PRKN: variants seen among roughly 807,000 people sequenced by gnomAD.
The protein encoded by PRKN is E3 ubiquitin-protein ligase parkin.
In PRKN, 56 loss-of-function variants were observed where a neutral mutation model predicts 59.5. The ratio of observed to expected loss-of-function variants is 0.94; its 90% CI spans 0.76 to 1.18. The LOEUF (loss-of-function observed/expected upper bound fraction) is 1.18, where lower values mean the gene tolerates loss of function less well. Among genes scored for constraint, PRKN ranks in the 50% most tolerant of loss-of-function variants. PRKN has a pLI of 0.00. For missense variants in PRKN, 657 were observed against 596.4 expected, an observed-to-expected ratio of 1.10 and a Z score of -1.06; for synonymous variants, 250 against 222.1, an observed-to-expected ratio of 1.13 and a Z score of -1.12.
intron 7 of PRKN, among the ~76,000 whole-genome samples, chr6:161,742,766 C>T (rs1788242098): frequency 6.6e-6 from 1 of 152,204 alleles, no homozygotes; most frequent in South Asian, 2.1e-4. Flanking sequence ...TGGATTCTCA[C>T]AGCCGCGCAG....
chr6:162,721,139 G>A (rs961959111), intron 1 of PRKN, among the ~76,000 whole-genome samples: 25 of 152,194 alleles, frequency 1.6e-4, no homozygotes, highest in African/African-American at 5.8e-4. Flanking sequence ...GCCATTCTCA[G>A]TCGAAGACTG....
chr6:161,360,398 C>T lies in PRKN; in HGVS notation c.1168-193G>A, dbSNP rs1283162830. Among the ~76,000 whole-genome samples, 5 of 152,166 alleles carry T rather than the reference C, an allele frequency of 3.3e-5. No individual in the cohort carries two copies. Among genetic ancestry groups the T allele is most frequent in the South Asian group, 4.1e-4 (2 of 4,830 alleles). ...TGGGGACACTCTCCCTGGCATGTGGCGTATGCGTAGGAGCGGGGAAGAGAT... is the reference window on the plus strand; with the variant it reads ...TGGGGACACTCTCCCTGGCATGTGGTGTATGCGTAGGAGCGGGGAAGAGAT... On this transcript the variant is annotated intron_variant, in intron 10 of 11. Transcript: ENST00000366898. The surrounding 1 kb of genome is among the most constrained non-coding windows in gnomAD (Gnocchi z 5.1).
intron 2 of PRKN, among the ~76,000 whole-genome samples, chr6:162,344,313 G>C (rs1784308300): frequency 6.9e-6 from 1 of 145,098 alleles, no homozygotes; most frequent in South Asian, 2.2e-4. Flanking sequence ...TGCAATCAGA[G>C]ATTCCCTGTT....
chr6:162,295,846 T>C (rs976839581), intron 2 of PRKN, among the ~76,000 whole-genome samples: 7 of 152,148 alleles, frequency 4.6e-5, no homozygotes, highest in Non-Finnish European at 8.8e-5. Context: ...ATTCAGGAGA[T>C]GCCCCTTGAC....
At chr6:161,452,826 G>A (rs1789796023) in intron 9 of PRKN, among the ~76,000 whole-genome samples, 1 of 151,944 alleles carries the variant, frequency 6.6e-6, no homozygotes, top group African/African-American at 2.4e-5. Flanking sequence ...CAGGCGAGGG[G>A]CAGGGAGCCC....
chr6:162,031,838 C>CT (rs748764296), intron 5 of PRKN, among the ~76,000 whole-genome samples: 8 of 152,116 alleles, frequency 5.3e-5, no homozygotes, highest in Non-Finnish European at 7.4e-5. Flanking sequence ...CTAAGAGTCA[C>CT]TTTTTTGTGG....
At chr6:161,634,490 G>C (rs539317845) in intron 7 of PRKN, among the ~76,000 whole-genome samples, 1 of 152,322 alleles carries the variant, frequency 6.6e-6, no homozygotes, top group East Asian at 1.9e-4. Context: ...ACTTGCTGCA[G>C]GTCACACAGC....
intron 1 of PRKN, among the ~76,000 whole-genome samples, chr6:162,614,499 A>C (rs956550455): frequency 2.6e-4 from 39 of 152,332 alleles, no homozygotes; most frequent in African/African-American, 8.9e-4. Flanking sequence ...AGAACCCTGA[A>C]TATATTTAAT....
chr6:162,633,591 G>A (rs867658278), intron 1 of PRKN, among the ~76,000 whole-genome samples: 1 of 152,078 alleles, frequency 6.6e-6, no homozygotes, highest in Non-Finnish European at 1.5e-5. Context: ...GAGAAATCAT[G>A]TGAATTCACA....
At chr6:162,232,335 G>C (rs527621286) in intron 3 of PRKN, among the ~76,000 whole-genome samples, 4 of 152,096 alleles carry the variant, frequency 2.6e-5, no homozygotes, top group African/African-American at 9.7e-5. Flanking sequence ...TCTTCTGCAG[G>C]GGCTGCCTTC....
At chr6:161,599,623 A>C (rs182312816) in intron 7 of PRKN, among the ~76,000 whole-genome samples, 32 of 152,322 alleles carry the variant, frequency 2.1e-4, no homozygotes, top group Admixed American at 4.6e-4. Flanking sequence ...ACTTCCCTTT[A>C]TACCAGGTAA....
chr6:162,346,435 G>C (rs1291054325), intron 2 of PRKN, among the ~76,000 whole-genome samples: 1 of 146,960 alleles, frequency 6.8e-6, no homozygotes, highest in Non-Finnish European at 1.5e-5. Context: ...GGGCAACATA[G>C]TGAAAAATCT....
In PRKN at chr6:162,644,890, TA is replaced by T. The variant is rs538131410; in HGVS notation, c.7+82771del. The stretch of plus-strand genomic sequence containing the variant: ...GAAAACTACCAAAAGCTTATCTAAG[TA>T]AGGCTTAGAAAAAACAGTCAAGTTA... On this transcript the variant is annotated intron_variant, in intron 1 of 11. Coordinates refer to ENST00000366898, the MANE Select transcript of PRKN (RefSeq NM_004562.3). 5.1e-3 allele frequency among the ~76,000 whole-genome samples: 769 copies of T among 152,258 alleles called. 2 individuals are homozygous for T. The highest frequency in any genetic ancestry group is 7.3e-3 in the Non-Finnish European group (497 of 68,012).
chr6:162,325,937 T>C (rs1783250920), intron 2 of PRKN, among the ~76,000 whole-genome samples: 1 of 152,130 alleles, frequency 6.6e-6, no homozygotes, highest in African/African-American at 2.4e-5. Context: ...TTTGCAAACA[T>C]CCGTGGTCAT....
chr6:162,082,595 T>A (rs1047691282), intron 4 of PRKN, among the ~76,000 whole-genome samples: 1 of 152,150 alleles, frequency 6.6e-6, no homozygotes, highest in Admixed American at 6.5e-5. Context: ...CTTAGCTAAA[T>A]GTTTTCCACA....
intron 1 of PRKN, among the ~76,000 whole-genome samples, chr6:162,496,872 A>T (rs1348965624): frequency 6.6e-6 from 1 of 152,204 alleles, no homozygotes; most frequent in Non-Finnish European, 1.5e-5. Context: ...TATTCCTTCA[A>T]GGCTACACTT....
At chr6:162,694,997 A>G (rs976774885) in intron 1 of PRKN, 2 of 152,184 alleles carry the variant, frequency 1.3e-5, no homozygotes, top group African/African-American at 4.8e-5. Context: ...CTTTGAAGTC[A>G]AATCCCAGTA....
intron 1 of PRKN, among the ~76,000 whole-genome samples, chr6:162,724,723 C>T (rs187230451): frequency 2.6e-5 from 4 of 152,346 alleles, no homozygotes; most frequent in Non-Finnish European, 4.4e-5. Flanking sequence ...TCTCTCAGCA[C>T]TCCCTCAACA....
In PRKN at chr6:161,606,948, C is replaced by T. The variant is rs1782305947; in HGVS notation, c.872-37532G>A. Reference sequence around the variant, plus strand: ...GTGGATCTGGGCTCAGGCCACCTGGCACAGCATGGGGGGGAGATGAGGGGC... The same window carrying T: ...GTGGATCTGGGCTCAGGCCACCTGGTACAGCATGGGGGGGAGATGAGGGGC... On this transcript the variant is annotated intron_variant, in intron 7 of 11. Transcript: ENST00000366898. Among the ~76,000 whole-genome samples, 5 of 152,280 alleles carry T rather than the reference C, an allele frequency of 3.3e-5. No individual in the cohort carries two copies. In the South Asian group the frequency reaches 1.0e-3, roughly 32 times the overall value.
Sources: gnomAD v4.1 joint callset for allele counts (sites outside exome capture counted in the v4.1 genomes callset) on GRCh38, gnomAD v4.1.1 for gene constraint, Gnocchi (gnomAD v3.1) non-coding constraint, MANE v1.5 for transcripts, NCBI Gene and HGNC (gene_info 2026-07-23, HGNC 2026-07-21) for gene names.